The following HNRNPLL variants were observed in gnomAD, a reference collection of about 807,000 sequenced individuals.
The protein encoded by HNRNPLL is heterogeneous nuclear ribonucleoprotein L-like.
HNRNPLL carries 25 observed loss-of-function variants against 67.1 expected under a neutral mutation model. The ratio of observed to expected loss-of-function variants is 0.37; its 90% CI spans 0.27 to 0.52. The LOEUF is 0.52. Ranked by LOEUF, HNRNPLL falls within the 20% of genes least tolerant of loss-of-function variation. HNRNPLL has a pLI of 0.90. For synonymous variants in HNRNPLL, 267 were observed against 241.7 expected, an observed-to-expected ratio of 1.10 and a Z score of -0.97; for missense variants, 542 against 673.9, an observed-to-expected ratio of 0.80 and a Z score of 2.17.
At chr2:38,600,965 G>T (rs1667407901) in intron 1 of HNRNPLL, among the ~76,000 whole-genome samples, 1 of 152,168 alleles carries the variant, frequency 6.6e-6, no homozygotes, top group Admixed American at 6.5e-5. Context: ...CAAAATGCCT[G>T]AAGACATTTC....
chr2:38,568,035 T>C (rs1036666905), intron 12 of HNRNPLL, 164 bp downstream of exon 12: 4 of 534,670 alleles, frequency 7.5e-6, no homozygotes, highest in Middle Eastern at 4.3e-4. Flanking sequence ...CAATTTGTTA[T>C]ACAGCAATAG....
At chr2:38,573,513 A>G in intron 7 of HNRNPLL, 86 bp from the exon 8 acceptor site, 1 of 840,012 alleles carries the variant, frequency 1.2e-6, no homozygotes, top group Non-Finnish European at 1.9e-6. Flanking sequence ...TGCACCACAC[A>G]CAAAAAATAA....
chr2:38,589,296 T>G (rs1666868826), intron 2 of HNRNPLL, among the ~76,000 whole-genome samples: 1 of 152,238 alleles, frequency 6.6e-6, no homozygotes. Flanking sequence ...ATACTGAACT[T>G]GGTGATTCAC....
At chr2:38,578,924 T>C (rs1666411613) in intron 6 of HNRNPLL, among the ~76,000 whole-genome samples, 1 of 152,108 alleles carries the variant, frequency 6.6e-6, no homozygotes, top group African/African-American at 2.4e-5. Flanking sequence ...AATCCTAACA[T>C]TCACAGTTCC....
rs1305266521 is a variant in HNRNPLL, at chr2:38,573,376, C to T, written c.926G>A (p.Arg309Gln). ...PLPSRYRMGS[R>Q]DTPELVAYPL... Reference sequence around the variant, plus strand: ...ATAAGCAACAAGTTCAGGTGTATCTCGAGAGCCCATTCTGTAACGACTTGG... The same window carrying T: ...ATAAGCAACAAGTTCAGGTGTATCTTGAGAGCCCATTCTGTAACGACTTGG... Residue 309 changes from arginine to glutamine, a missense_variant, in exon 8 of 13, where the codon CGA (arginine) becomes CAA (glutamine). Physicochemically the swap from Arg to Gln is conservative, Grantham distance 43 (BLOSUM62 1). Around this residue, in one of 2 missense-constraint regions of HNRNPLL, gnomAD observed 415 missense variants for 575.2 expected, o/e 0.72. Transcript: ENST00000449105. 9.9e-6 allele frequency: 16 copies of T among 1,612,084 alleles called. No homozygotes were observed. The highest frequency in any genetic ancestry group is 1.7e-5 in the Admixed American group (1 of 59,686).
intron 1 of HNRNPLL, among the ~76,000 whole-genome samples, chr2:38,593,610 C>T (rs560423146): frequency 1.3e-5 from 2 of 152,240 alleles, no homozygotes; most frequent in East Asian, 3.9e-4. Flanking sequence ...AAATGCTGGG[C>T]CAGACGTGGT....
At chr2:38,591,840 G>A (rs184580619) in intron 1 of HNRNPLL, among the ~76,000 whole-genome samples, 192 bp from the exon 2 acceptor site, 1 of 152,140 alleles carries the variant, frequency 6.6e-6, no homozygotes, top group East Asian at 1.9e-4. Context: ...GCCAGGCATG[G>A]TGGCACGTGT....
chr2:38,593,484 G>A (rs1156498319), intron 1 of HNRNPLL, among the ~76,000 whole-genome samples: 1 of 152,136 alleles, frequency 6.6e-6, no homozygotes, highest in East Asian at 1.9e-4. Context: ...AAATCAGGTG[G>A]CAAAGGTAAA....
In HNRNPLL at chr2:38,583,253, T is replaced by C. The variant is rs1573740885; in HGVS notation, c.632+588A>G. Reference sequence around the variant, plus strand: ...AAAACAAAGATAAAACATAAGTCCCTTGCCAGAAGTAAGCACTATTAAAGC... The same window carrying C: ...AAAACAAAGATAAAACATAAGTCCCCTGCCAGAAGTAAGCACTATTAAAGC... On this transcript the variant is annotated intron_variant, in intron 4 of 12. Coordinates refer to ENST00000449105, the MANE Select transcript of HNRNPLL (RefSeq NM_138394.4). Among the ~76,000 whole-genome samples the C allele has an allele frequency of 2.0e-5, 3 of 152,328 alleles. 1 individual carries two copies. In the South Asian group the frequency reaches 6.2e-4, roughly 32 times the overall value.
At position 38,569,194 on chromosome 2, in the gene HNRNPLL, G is replaced by A; in HGVS notation, c.1355C>T (p.Pro452Leu). Reference protein sequence around the residue: ...GQASKNIIQPPSCVLHYYNVP... With the variant: ...GQASKNIIQPLSCVLHYYNVP... ...ATTATAATAATGCAAAACACAGGAGGGTGGCTGGATTATATTCTTAGATGC... is the reference window on the plus strand; with the variant it reads ...ATTATAATAATGCAAAACACAGGAGAGTGGCTGGATTATATTCTTAGATGC... Residue 452 changes from proline to leucine, a missense_variant, in exon 10 of 13, where the codon CCC becomes CTC. By Grantham distance (98) the Pro-to-Leu change is moderately conservative. Around this residue, in one of 2 missense-constraint regions of HNRNPLL, gnomAD observed 415 missense variants for 575.2 expected, o/e 0.72. Transcript: ENST00000449105. The A allele has an allele frequency of 6.2e-7, 1 of 1,613,338 alleles. No homozygotes were observed. The highest frequency in any genetic ancestry group is 1.1e-5 in the South Asian group (1 of 91,056).
chr2:38,580,836 CA>C (rs1666499712), intron 6 of HNRNPLL, among the ~76,000 whole-genome samples: 1 of 152,166 alleles, frequency 6.6e-6, no homozygotes, highest in South Asian at 2.1e-4. Context: ...CTTGAACAGA[CA>C]TGTTACTTTC....
chr2:38,582,980 AG>A (rs1056321986), intron 4 of HNRNPLL, among the ~76,000 whole-genome samples: 1 of 152,178 alleles, frequency 6.6e-6, no homozygotes, highest in African/African-American at 2.4e-5. Context: ...CGGAAAGCAG[AG>A]GAGATAATGG....
At chr2:38,589,714 G>C (rs1666888348) in intron 2 of HNRNPLL, among the ~76,000 whole-genome samples, 1 of 152,094 alleles carries the variant, frequency 6.6e-6, no homozygotes, top group Non-Finnish European at 1.5e-5. Context: ...ACTTAAAATA[G>C]TTCTATTTCT....
At chr2:38,564,456 C>T (rs1284594902) in intron 12 of HNRNPLL, among the ~76,000 whole-genome samples, 1 of 151,624 alleles carries the variant, frequency 6.6e-6, no homozygotes, top group Non-Finnish European at 1.5e-5. Flanking sequence ...CCCGCCTCTA[C>T]TAAAAATACA....
chr2:38,577,233 T>C (rs1666332624), intron 7 of HNRNPLL, among the ~76,000 whole-genome samples: 2 of 151,910 alleles, frequency 1.3e-5, no homozygotes, highest in Admixed American at 1.3e-4. Context: ...AAAAAAGTAT[T>C]CAATCCCCAA....
At chr2:38,601,720 T>C (rs1480802629) in intron 1 of HNRNPLL, 1 of 152,136 alleles carries the variant, frequency 6.6e-6, no homozygotes, top group Non-Finnish European at 1.5e-5. Flanking sequence ...AAATTACCAA[T>C]GAAAAACTTT....
chr2:38,595,281 AAAAAAAAAAAAAAAAAG>A, intron 1 of HNRNPLL, among the ~76,000 whole-genome samples: 1 of 146,378 alleles, frequency 6.8e-6, no homozygotes, highest in Non-Finnish European at 1.5e-5. Context: ...CTAAAAAAAA[AAAAAAAAAAAAAAAAAG>A]AAAAGAAAAA....
chr2:38,602,887 C>G lies in HNRNPLL; in HGVS notation c.-261G>C. The G allele has an allele frequency of 6.5e-7, 1 of 1,548,200 alleles. No homozygotes were observed. Among genetic ancestry groups the G allele is most frequent in the Non-Finnish European group, 8.7e-7 (1 of 1,145,364 alleles). On this transcript the variant is annotated 5_prime_UTR_variant, in exon 1 of 13. Coordinates refer to ENST00000449105, the MANE Select transcript of HNRNPLL (RefSeq NM_138394.4). ...CAACATTCAGCCTCTCCCTCCTCCT[C>G]CTCCGTCTCCGCTCCCTGCCCGGAG...
intron 1 of HNRNPLL, among the ~76,000 whole-genome samples, chr2:38,595,823 G>A (rs555727523): frequency 8.5e-5 from 13 of 152,158 alleles, no homozygotes; most frequent in South Asian, 2.1e-4. Context: ...CAGCCTGGGC[G>A]ACAGAGCGAG....
Sources: gnomAD v4.1 joint callset for allele counts (sites outside exome capture counted in the v4.1 genomes callset) on GRCh38, gnomAD v4.1.1 for gene constraint, gnomAD v4.1.1 regional missense constraint, MANE v1.5 for transcripts, NCBI Gene and HGNC (gene_info 2026-07-23, HGNC 2026-07-21) for gene names.